The following FAAH2 variants were observed in gnomAD, a reference collection of about 807,000 sequenced individuals.
FAAH2 encodes fatty-acid amide hydrolase 2.
In FAAH2, 60 loss-of-function variants were observed where a neutral mutation model predicts 36.9. That is an observed-to-expected ratio of 1.63 (90% confidence interval 1.32 to 2.02). The LOEUF (loss-of-function observed/expected upper bound fraction) is 2.02, where lower values mean the gene tolerates loss of function less well. Among genes scored for constraint, FAAH2 ranks in the 30% most tolerant of loss-of-function variants. The probability of loss-of-function intolerance (pLI) is 0.00; values close to 1 mark genes in which losing one functional copy is unlikely to be tolerated. For synonymous variants in FAAH2, 214 were observed against 143.8 expected, an observed-to-expected ratio of 1.49 and a Z score of -3.49; for missense variants, 689 against 397.5, an observed-to-expected ratio of 1.73 and a Z score of -6.23.
chrX:57,275,032 A>G, the FAAH2 span, among the ~76,000 whole-genome samples: 2 of 112,251 alleles, frequency 1.8e-5, no homozygotes, highest in South Asian at 7.4e-4. Flanking sequence ...AAATCTCCTT[A>G]AGCTGATAAG....
chrX:57,274,155 T>C, the FAAH2 span, among the ~76,000 whole-genome samples: 3 of 111,597 alleles, frequency 2.7e-5, no homozygotes, highest in Admixed American at 9.5e-5. Context: ...AACTAGAAAA[T>C]CTAGAAGAAA....
chrX:57,475,107 T>C (rs2057241814), intron 10 of FAAH2, among the ~76,000 whole-genome samples: 2 of 112,184 alleles, frequency 1.8e-5, no homozygotes, highest in Non-Finnish European at 3.8e-5. Context: ...CTTTGTCAGA[T>C]CGGTAGCATG....
chrX:57,375,146 A>C (rs1042383589), intron 5 of FAAH2, among the ~76,000 whole-genome samples: 4 of 109,756 alleles, frequency 3.6e-5, no homozygotes, highest in Non-Finnish European at 7.6e-5. Flanking sequence ...GGATTTTTGC[A>C]TCCATGTCCA....
intron 3 of FAAH2, among the ~76,000 whole-genome samples, chrX:57,329,814 G>C (rs770345062): frequency 9.0e-6 from 1 of 111,475 alleles, no homozygotes; most frequent in Non-Finnish European, 1.9e-5. Context: ...TGAAGATTTC[G>C]TGGACATTTA....
chrX:57,215,134 A>G, the FAAH2 span, among the ~76,000 whole-genome samples: 2 of 108,565 alleles, frequency 1.8e-5, no homozygotes, highest in African/African-American at 6.7e-5. Context: ...AGAAAACACC[A>G]CCATCAAAAA....
At chrX:57,185,488 C>CTGTGTG in the FAAH2 span, among the ~76,000 whole-genome samples, 9 of 93,995 alleles carry the variant, frequency 9.6e-5, no homozygotes, top group Non-Finnish European at 1.7e-4. Context: ...CTCTCTGTCT[C>CTGTGTG]TGTGTGTGTG....
chrX:57,470,048 C>A (rs986544106), intron 10 of FAAH2, among the ~76,000 whole-genome samples: 1 of 111,524 alleles, frequency 9.0e-6, no homozygotes, highest in East Asian at 2.8e-4. Flanking sequence ...TCTTCAAAAC[C>A]AATGAGAACA....
intron 7 of FAAH2, among the ~76,000 whole-genome samples, chrX:57,412,487 C>A (rs1327186979): frequency 9.0e-6 from 1 of 111,339 alleles, no homozygotes; most frequent in Non-Finnish European, 1.9e-5. Flanking sequence ...GTTTTCTGTT[C>A]TTGTGTTAGT....
At chrX:57,471,456 A>T (rs1209093843) in intron 10 of FAAH2, among the ~76,000 whole-genome samples, 3 of 111,077 alleles carry the variant, frequency 2.7e-5, no homozygotes, top group Non-Finnish European at 5.7e-5. Context: ...CCCATAACAG[A>T]TAGAGAACCA....
At chrX:57,364,009 G>GTTTTTTT (rs59787885) in intron 5 of FAAH2, among the ~76,000 whole-genome samples, 140 of 46,533 alleles carry the variant, frequency 3.0e-3, no homozygotes, top group East Asian at 7.4e-3. Flanking sequence ...GGCCTGTAGG[G>GTTTTTTT]TTTTTTTTTT....
chrX:57,141,413 T>C, the FAAH2 span, among the ~76,000 whole-genome samples: 1 of 111,998 alleles, frequency 8.9e-6, no homozygotes, highest in Non-Finnish European at 1.9e-5. Context: ...GGGGTGTCTT[T>C]GGTTATGACA....
intron 7 of FAAH2, among the ~76,000 whole-genome samples, chrX:57,409,519 TG>T (rs2055648431): frequency 9.0e-6 from 1 of 111,351 alleles, no homozygotes; most frequent in South Asian, 3.7e-4. Flanking sequence ...CATCAGGTTC[TG>T]GGCTTATCTT....
intron 2 of FAAH2, among the ~76,000 whole-genome samples, chrX:57,300,549 A>G (rs1170771357): frequency 3.6e-5 from 4 of 111,915 alleles, no homozygotes; most frequent in African/African-American, 9.8e-5. Flanking sequence ...ATAGGCATGG[A>G]CAAGGACTTC....
At chrX:57,137,308 C>T in the FAAH2 span, 1 of 759,101 alleles carries the variant, frequency 1.3e-6, no homozygotes, top group Non-Finnish European at 1.6e-6. Flanking sequence ...GGTCAACAGG[C>T]GACTCGCTGA....
At chrX:57,445,942 G>A (rs1183441006) in intron 8 of FAAH2, among the ~76,000 whole-genome samples, 2 of 112,247 alleles carry the variant, frequency 1.8e-5, no homozygotes, top group Admixed American at 9.4e-5. Flanking sequence ...TTTACTTCAG[G>A]CCTCGGGCCA....
chrX:57,157,161 A>C, the FAAH2 span, among the ~76,000 whole-genome samples: 3 of 111,599 alleles, frequency 2.7e-5, no homozygotes, highest in Admixed American at 1.9e-4. Context: ...CCTTTGCCCA[A>C]GTGGAAAGAG....
the FAAH2 span, among the ~76,000 whole-genome samples, chrX:57,244,263 T>A: frequency 3.6e-5 from 4 of 110,718 alleles, no homozygotes; most frequent in Non-Finnish European, 7.5e-5. Context: ...ACCAAACCTA[T>A]GTTTGATTGG....
the FAAH2 span, among the ~76,000 whole-genome samples, chrX:57,262,228 C>T: frequency 1.8e-5 from 2 of 111,451 alleles, no homozygotes; most frequent in Non-Finnish European, 3.8e-5. Context: ...GGTGAGTATA[C>T]TGGTGTGTTG....
chrX:57,289,419 G>A, intron 1 of FAAH2, among the ~76,000 whole-genome samples: 1 of 110,918 alleles, frequency 9.0e-6, no homozygotes, highest in Non-Finnish European at 1.9e-5. Flanking sequence ...GTTGGGCCTT[G>A]CCAAAAATAC....
Sources: allele counts gnomAD v4.1 joint callset (sites outside exome capture counted in the v4.1 genomes callset), GRCh38; gene constraint gnomAD v4.1.1; transcripts MANE v1.5; gene names NCBI Gene and HGNC (gene_info 2026-07-23, HGNC 2026-07-21).